Variants in TRPC4 observed in about 807,000 individuals in gnomAD.
The protein encoded by TRPC4 is transient receptor potential cation channel subfamily C member 4, also known as short transient receptor potential channel 4.
TRPC4 carries 49 observed loss-of-function variants against 99.4 expected under a neutral mutation model. The observed-to-expected ratio is 0.49, with a 90% CI of 0.39 to 0.63. TRPC4 has a LOEUF of 0.63. Among genes scored for constraint, TRPC4 ranks in the 20% least tolerant of loss-of-function variants. The pLI is 0.00. For missense variants in TRPC4, 898 were observed against 1,152.9 expected (o/e 0.78, Z 3.20); for synonymous variants, 454 against 425.9 (o/e 1.07, Z -0.81).
At chr13:37,736,005 A>C (rs1188453241) in intron 3 of TRPC4, among the ~76,000 whole-genome samples, 1 of 152,192 alleles carries the variant, frequency 6.6e-6, no homozygotes, top group African/African-American at 2.4e-5. Flanking sequence ...GGGGGAAAAA[A>C]ACACTTTCAG....
chr13:37,819,045 A>T (rs1219360892), intron 1 of TRPC4, among the ~76,000 whole-genome samples: 1 of 152,096 alleles, frequency 6.6e-6, no homozygotes. Flanking sequence ...TTTTCAAAAA[A>T]GACATAATTG....
At chr13:37,646,740 T>A (rs1951870702) in intron 8 of TRPC4, among the ~76,000 whole-genome samples, 1 of 152,182 alleles carries the variant, frequency 6.6e-6, no homozygotes, top group Non-Finnish European at 1.5e-5. Flanking sequence ...AATGCTGTAA[T>A]GATAAGAAGG....
At chr13:37,830,817 AT>A (rs1958401366) in intron 1 of TRPC4, among the ~76,000 whole-genome samples, 1 of 147,280 alleles carries the variant, frequency 6.8e-6, no homozygotes, top group African/African-American at 2.5e-5. Flanking sequence ...ATATATATAT[AT>A]ATAATATAAT....
chr13:37,753,922 A>C (rs1358435831), intron 2 of TRPC4, among the ~76,000 whole-genome samples: 1 of 152,040 alleles, frequency 6.6e-6, no homozygotes, highest in Admixed American at 6.6e-5. Context: ...GGCTTTTCTT[A>C]CTGGTTTTCC....
chr13:37,762,857 T>C (rs1161097396), intron 2 of TRPC4, among the ~76,000 whole-genome samples: 1 of 150,974 alleles, frequency 6.6e-6, no homozygotes, highest in Admixed American at 6.6e-5. Flanking sequence ...CCCTAAAACT[T>C]AAAGTATAAT....
chr13:37,848,864 T>A (rs1435753114), intron 1 of TRPC4, among the ~76,000 whole-genome samples: 4 of 152,184 alleles, frequency 2.6e-5, no homozygotes, highest in Admixed American at 2.6e-4. Flanking sequence ...CTTTTGTAGG[T>A]CTATGAAGTA....
chr13:37,824,644 G>C (rs375031157), intron 1 of TRPC4, among the ~76,000 whole-genome samples: 3 of 152,062 alleles, frequency 2.0e-5, no homozygotes, highest in East Asian at 3.9e-4. Flanking sequence ...TGGTGGATAA[G>C]CTTTTTGATG....
chr13:37,646,452 A>C (rs1951862972), intron 8 of TRPC4, among the ~76,000 whole-genome samples: 1 of 152,172 alleles, frequency 6.6e-6, no homozygotes, highest in South Asian at 2.1e-4. Context: ...CATTAATGAA[A>C]TGCTTTGGGG....
At chr13:37,852,261 C>T (rs191843680) in intron 1 of TRPC4, among the ~76,000 whole-genome samples, 7 of 152,174 alleles carry the variant, frequency 4.6e-5, no homozygotes, top group Admixed American at 2.0e-4. Context: ...AGAGTAAAGA[C>T]GACTCTGTCT....
chr13:37,695,993 T>A (rs1030464744), intron 3 of TRPC4, among the ~76,000 whole-genome samples: 1 of 152,186 alleles, frequency 6.6e-6, no homozygotes, highest in Non-Finnish European at 1.5e-5. Flanking sequence ...TATTAGTCAG[T>A]TTTTATACCG....
chr13:37,662,622 A>C (rs1257776396), intron 6 of TRPC4, among the ~76,000 whole-genome samples: 1 of 152,234 alleles, frequency 6.6e-6, no homozygotes, highest in African/African-American at 2.4e-5. Context: ...TTTTAAAGTC[A>C]CCTACAAAAT....
At chr13:37,833,391 C>G (rs750098117) in intron 1 of TRPC4, among the ~76,000 whole-genome samples, 2 of 152,136 alleles carry the variant, frequency 1.3e-5, no homozygotes, top group African/African-American at 4.8e-5. Flanking sequence ...TTGAAAAGTA[C>G]CACAACGACT....
chr13:37,695,024 TG>T (rs1345207568), intron 3 of TRPC4, among the ~76,000 whole-genome samples: 11 of 152,176 alleles, frequency 7.2e-5, no homozygotes, highest in Admixed American at 7.2e-4. Context: ...ATGGGTTCGG[TG>T]GTTAAATCAG....
chr13:37,803,963 G>A (rs1435368663), intron 1 of TRPC4, among the ~76,000 whole-genome samples: 2 of 152,076 alleles, frequency 1.3e-5, no homozygotes, highest in Non-Finnish European at 2.9e-5. Flanking sequence ...TATACACCCT[G>A]TTAATGTTAG....
Position 37,655,241 on chromosome 13 carries a change from C to A in TRPC4, c.1731G>T (p.Gly577=). ...CATTGGTCACATATAAATTGATGAGCCCAAATATTGACCAAAACAGGGACT... is the reference window on the plus strand; with the variant it reads ...CATTGGTCACATATAAATTGATGAGACCAAATATTGACCAAAACAGGGACT... ...TLQSLFWSIF[G]LINLYVTNVK... is the part of the protein sequence containing the mutation. The change falls in exon 7 of 11, where the codon GGG becomes GGT. Residue 577 remains glycine, a synonymous_variant. Coordinates refer to ENST00000379705, the MANE Select transcript of TRPC4 (RefSeq NM_016179.4). The A allele has an allele frequency of 6.2e-7, 1 of 1,601,656 alleles. No homozygotes were observed.
At chr13:37,842,225 T>G (rs1958750616) in intron 1 of TRPC4, among the ~76,000 whole-genome samples, 1 of 144,592 alleles carries the variant, frequency 6.9e-6, no homozygotes, top group South Asian at 2.2e-4. Context: ...AGTGGAGATC[T>G]CGCCACTGCA....
chr13:37,802,363 A>G (rs1420415069), intron 1 of TRPC4, among the ~76,000 whole-genome samples: 3 of 152,058 alleles, frequency 2.0e-5, no homozygotes, highest in African/African-American at 7.2e-5. Context: ...ATTAGTCATC[A>G]TGTCTCCTTA....
intron 2 of TRPC4, among the ~76,000 whole-genome samples, chr13:37,758,149 A>G (rs994181632): frequency 6.6e-6 from 1 of 151,944 alleles, no homozygotes; most frequent in African/African-American, 2.4e-5. Context: ...TGTATTTTAA[A>G]TGAGTAATAA....
chr13:37,796,973 G>GAAAATAAAA (rs1957271457), intron 1 of TRPC4, among the ~76,000 whole-genome samples: 1 of 101,750 alleles, frequency 9.8e-6, no homozygotes, highest in African/African-American at 3.7e-5. Context: ...ATAAAATAAA[G>GAAAATAAAA]TAAAGTAAAG....
Sources: allele counts gnomAD v4.1 joint callset (sites outside exome capture counted in the v4.1 genomes callset), GRCh38; gene constraint gnomAD v4.1.1; transcripts MANE v1.5; gene names NCBI Gene and HGNC (gene_info 2026-07-23, HGNC 2026-07-21).